Variants in HPS1 observed in about 807,000 individuals in gnomAD.
HPS1 encodes the protein BLOC-3 complex member HPS1.
In HPS1, 59 loss-of-function variants were observed where a neutral mutation model predicts 90.6. The ratio of observed to expected loss-of-function variants is 0.65; its 90% CI spans 0.53 to 0.81. The LOEUF (loss-of-function observed/expected upper bound fraction) is 0.81, where lower values mean the gene tolerates loss of function less well. Ranked by LOEUF, HPS1 falls within the 30% of genes least tolerant of loss-of-function variation. The pLI is 0.00. For missense variants in HPS1, 849 were observed against 896.7 expected (o/e 0.95, Z 0.68); for synonymous variants, 388 against 384.4 (o/e 1.01, Z -0.11).
Position 98,417,664 on chromosome 10 carries a change from A to G in HPS1, c.2003T>C (p.Leu668Pro), listed in dbSNP as rs281865090. The G allele has an allele frequency of 1.9e-6, 3 of 1,613,828 alleles. No homozygotes were observed. The highest frequency in any genetic ancestry group is 4.5e-5 in the East Asian group (2 of 44,866). The change falls in exon 20 of 20, where the codon CTG (leucine) becomes CCG (proline). Residue 668 changes from leucine (L) to proline (P), a missense_variant. By Grantham distance (98) the Leu-to-Pro change is moderately conservative. Coordinates refer to ENST00000361490, the MANE Select transcript of HPS1 (RefSeq NM_000195.5). The surrounding 1 kb of genome is among the most constrained non-coding windows in gnomAD (Gnocchi z 4.2). ...PTEAVRCYEL[L>P]ALHLSVIPTD... ...GGGGATGACAGACAGGTGCAGGGCC[A>G]GCAGCTCGTAGCACCTGACAGCCTC...
At position 98,433,991 on chromosome 10, in the gene HPS1, C is replaced by T. The variant is rs1011294432; in HGVS notation, c.499G>A (p.Ala167Thr). 52 of 1,557,910 alleles carry T rather than the reference C, an allele frequency of 3.3e-5. No homozygotes were observed. The highest frequency in any genetic ancestry group is 8.2e-5 in the African/African-American group (6 of 73,516). The change falls in exon 6 of 20, where the codon GCC becomes ACC. Residue 167 changes from alanine (A) to threonine (T), a missense_variant. By Grantham distance (58) the Ala-to-Thr change is moderately conservative. Coordinates refer to ENST00000361490, the MANE Select transcript of HPS1 (RefSeq NM_000195.5). The part of the protein sequence containing the change: ...SRLREQEQCF[A>T]VEALERLIHP... ...CCGCGCCCAGTAGTCACCTCCACGGCGAAGCACTGCTCCTGCTCCCGCAGG... is the reference window on the plus strand; with the variant it reads ...CCGCGCCCAGTAGTCACCTCCACGGTGAAGCACTGCTCCTGCTCCCGCAGG...
rs753890577 is a variant in HPS1, at chr10:98,418,161, C to T, written c.1940+14G>A. 6.3e-7 allele frequency: 1 copy of T among 1,575,782 alleles called. No homozygotes were observed. Among genetic ancestry groups the T allele is most frequent in the South Asian group, 1.1e-5 (1 of 88,734 alleles). On this transcript the variant is annotated intron_variant, in intron 19 of 19. Coordinates refer to ENST00000361490, the MANE Select transcript of HPS1 (RefSeq NM_000195.5). ...GGGGGCATCTGTCCCCAGTGGCTCC[C>T]AACGCAGCGTCACCTGTAGTAGTCT...
At chr10:98,428,339 G>T (rs1171168139) in intron 10 of HPS1, among the ~76,000 whole-genome samples, 2 of 152,354 alleles carry the variant, frequency 1.3e-5, no homozygotes, top group East Asian at 3.9e-4. Flanking sequence ...AACTGAGTCA[G>T]CATCTCCGGG....
intron 10 of HPS1, chr10:98,429,151 T>C: frequency 1.9e-6 from 2 of 1,037,022 alleles, no homozygotes; most frequent in Non-Finnish European, 2.4e-6. Flanking sequence ...CCATTTTGAA[T>C]ATTTATAGTT....
chr10:98,429,531 G>T, intron 10 of HPS1, 42 bp downstream of exon 10: 1 of 1,613,996 alleles, frequency 6.2e-7, no homozygotes, highest in Non-Finnish European at 8.5e-7. Context: ...CCTGTCGCTC[G>T]CAGCTAGCTA....
intron 18 of HPS1, among the ~76,000 whole-genome samples, chr10:98,419,272 G>A (rs943598675): frequency 3.3e-5 from 5 of 152,214 alleles, no homozygotes; most frequent in East Asian, 3.9e-4. Flanking sequence ...CAAGGGCTGC[G>A]AGGGAGGAGG....
chr10:98,436,765 T>C (rs759503565), intron 3 of HPS1, among the ~76,000 whole-genome samples: 14 of 152,186 alleles, frequency 9.2e-5, no homozygotes, highest in South Asian at 2.1e-4. Context: ...GTGAATGAAA[T>C]ATGGGGAAGG....
rs202103570 is a variant in HPS1 at position 98,422,479 on chromosome 10, T to A, written c.1633A>T (p.Ile545Phe). 6.2e-7 allele frequency: 1 copy of A among 1,614,006 alleles called. No individual in the cohort carries two copies. The highest frequency in any genetic ancestry group is 2.2e-5 in the East Asian group (1 of 44,900). Residue 545 changes from isoleucine (I) to phenylalanine (F), a missense_variant, in exon 17 of 20, where the codon ATC becomes TTC. By Grantham distance (21) the Ile-to-Phe change is conservative. Coordinates refer to ENST00000361490, the MANE Select transcript of HPS1 (RefSeq NM_000195.5). ...TGCCCAGTGGTGCGGTCCACATAGATGAAGTGCACCAAGCCTGGGAAGTCT... is the reference window on the plus strand; with the variant it reads ...TGCCCAGTGGTGCGGTCCACATAGAAGAAGTGCACCAAGCCTGGGAAGTCT... ...LEDFPGLVHF[I>F]YVDRTTGQMV...
chr10:98,420,468 C>T (rs561613345), intron 17 of HPS1: 2 of 361,918 alleles, frequency 5.5e-6, no homozygotes, highest in East Asian at 7.0e-5. Flanking sequence ...AATCCTAGCA[C>T]TTTGGGAGGC....
At chr10:98,438,803 A>G (rs528524187) in intron 3 of HPS1, among the ~76,000 whole-genome samples, 1 of 152,184 alleles carries the variant, frequency 6.6e-6, no homozygotes, top group Admixed American at 6.5e-5. Context: ...AGACAATGGG[A>G]AAAATGTCTC....
Position 98,423,634 on chromosome 10 carries a change from C to G in HPS1, c.1567G>C (p.Val523Leu), listed in dbSNP as rs776336075. ...KLTDWKDFLL[V>L]KSRRNITMVS... ...ATGGTGATGTTCCTCCTGCTCTTCA[C>G]CAGCAAGAAGTCCTTCCAGTCCGTC... Residue 523 changes from valine to leucine, a missense_variant, in exon 16 of 20, where the codon GTG becomes CTG. By Grantham distance (32) the Val-to-Leu change is conservative (BLOSUM62 1). Transcript: ENST00000361490. 1 of 1,614,016 alleles carries G rather than the reference C, an allele frequency of 6.2e-7. No individual in the cohort carries two copies. The highest frequency in any genetic ancestry group is 1.3e-5 in the African/African-American group (1 of 75,058).
chr10:98,437,044 G>A (rs1847441083), intron 3 of HPS1, among the ~76,000 whole-genome samples: 2 of 151,038 alleles, frequency 1.3e-5, no homozygotes, highest in African/African-American at 4.9e-5. Context: ...TCAGGCTACC[G>A]CCCTCCACCT....
chr10:98,418,011 C>A, intron 19 of HPS1, 164 bp downstream of exon 19: 2 of 645,270 alleles, frequency 3.1e-6, no homozygotes, highest in African/African-American at 1.8e-5. Flanking sequence ...CCTCCACACC[C>A]GTCCTCCCTC....
rs1245811566 is a variant in HPS1, at chr10:98,429,671, G to A, written c.868-29C>T. 7 of 1,614,018 alleles carry A rather than the reference G, an allele frequency of 4.3e-6. No individual in the cohort carries two copies. In the Admixed American group the frequency reaches 6.7e-5, roughly 15 times the overall value. On this transcript the variant is annotated intron_variant, in intron 9 of 19. Transcript: ENST00000361490. The stretch of plus-strand genomic sequence containing the variant: ...GAATGGAGAAGGTGGCTCAGGTTGA[G>A]AGGCTCTCCCAGCTGGCTCAACCCT...
At chr10:98,415,246 G>C, downstream of HPS1, 1 of 1,375,804 alleles carries the variant, frequency 7.3e-7, no homozygotes, top group Non-Finnish European at 9.7e-7. Context: ...AGGAGCTGCA[G>C]TCCCCCTCCA....
In HPS1 at chr10:98,435,547, G is replaced by A; in HGVS notation, c.255+88C>T. The A allele has an allele frequency of 1.2e-6, 2 of 1,607,392 alleles. No individual in the cohort carries two copies. The highest frequency in any genetic ancestry group is 1.7e-6 in the Non-Finnish European group (2 of 1,174,336). On this transcript the variant is annotated intron_variant, in intron 4 of 19. Coordinates refer to ENST00000361490, the MANE Select transcript of HPS1 (RefSeq NM_000195.5). This position sits in a 1 kb window ranked among gnomAD's most constrained non-coding sequence, Gnocchi z 4.3. ...TAAGATGCCGTTTCTGCCTTCTAAA[G>A]GAGTCTAAAGTTCCAAATAAGAGAG...
intron 2 of HPS1, among the ~76,000 whole-genome samples, chr10:98,444,470 G>A (rs1181164953): frequency 6.6e-6 from 1 of 152,202 alleles, no homozygotes; most frequent in African/African-American, 2.4e-5. Flanking sequence ...CAGCTAAGAG[G>A]CCTCAGGCAG....
intron 3 of HPS1, among the ~76,000 whole-genome samples, chr10:98,441,110 T>A (rs1938339489): frequency 6.6e-6 from 1 of 152,108 alleles, no homozygotes; most frequent in Non-Finnish European, 1.5e-5. Context: ...ATGAGACCCC[T>A]TAGAGCAGAA....
At chr10:98,443,263 AG>A in intron 2 of HPS1, 23 bp from the exon 3 acceptor site, 12 of 1,575,120 alleles carry the variant, frequency 7.6e-6, no homozygotes, top group Non-Finnish European at 1.0e-5. Flanking sequence ...GGCAAGGTCA[AG>A]GTCAGCCTCC....
Sources: gnomAD v4.1 joint callset for allele counts (sites outside exome capture counted in the v4.1 genomes callset) on GRCh38, gnomAD v4.1.1 for gene constraint, Gnocchi (gnomAD v3.1) non-coding constraint, MANE v1.5 for transcripts, NCBI Gene and HGNC (gene_info 2026-07-23, HGNC 2026-07-21) for gene names.